The following FOS variants were observed in gnomAD, a reference collection of about 807,000 sequenced individuals.
The protein encoded by FOS is Fos proto-oncogene, AP-1 transcription factor subunit.
Under a neutral mutation model 27.2 loss-of-function variants are expected in FOS, and 9 were observed. The observed-to-expected ratio is 0.33, with a 90% CI of 0.20 to 0.58. The LOEUF (loss-of-function observed/expected upper bound fraction) is 0.58, where lower values mean the gene tolerates loss of function less well. FOS is among the 20% of genes least tolerant of loss of function. The pLI is 0.87. For synonymous variants in FOS, 213 were observed against 205.1 expected (o/e 1.04, Z -0.33); for missense variants, 405 against 483.5 (o/e 0.84, Z 1.52).
chr14:75,281,840 C>T lies in FOS; in HGVS notation c.*416C>T, dbSNP rs45628236. 1.3e-3 allele frequency: 261 copies of T among 207,076 alleles called. No homozygotes were observed. The highest frequency in any genetic ancestry group is 2.0e-3 in the Middle Eastern group (1 of 504). 12.8% of individuals were successfully genotyped at this position (207,076 alleles called of 1,614,324 possible). Reference sequence around the variant, plus strand: ...CTAGTGCAGCTGATTTTAACAATAACTACTGTGTTCCTGGCAATAGTGTGT... The same window carrying T: ...CTAGTGCAGCTGATTTTAACAATAATTACTGTGTTCCTGGCAATAGTGTGT... On this transcript the variant is annotated 3_prime_UTR_variant, in exon 4 of 4. Transcript: ENST00000303562. The surrounding 1 kb of genome is among the most constrained non-coding windows in gnomAD (Gnocchi z 4.7).
Position 75,278,917 on chromosome 14 carries a change from T to G in FOS, c.-66T>G. 1 of 1,596,474 alleles carries G rather than the reference T, an allele frequency of 6.3e-7. No individual in the cohort carries two copies. Among genetic ancestry groups the G allele is most frequent in the Non-Finnish European group, 8.5e-7 (1 of 1,171,408 alleles). On this transcript the variant is annotated 5_prime_UTR_variant, in exon 1 of 4. Transcript: ENST00000303562. This position sits in a 1 kb window ranked among gnomAD's most constrained non-coding sequence, Gnocchi z 4.1. ...AGCAGTGACCGTGCTCCTACCCAGC[T>G]CTGCTCCACAGCGCCCACCTGTCTC...
In FOS at chr14:75,279,024, C is replaced by T. The variant is rs1353278087; in HGVS notation, c.42C>T (p.Ser14=). Residue 14 remains serine, a synonymous_variant, in exon 1 of 4, where the codon TCC becomes TCT. Coordinates refer to ENST00000303562, the MANE Select transcript of FOS (RefSeq NM_005252.4). The surrounding 1 kb of genome is among the most constrained non-coding windows in gnomAD (Gnocchi z 5.4). Reference sequence around the variant, plus strand: ...TCAACGCAGACTACGAGGCGTCATCCTCCCGCTGCAGCAGCGCGTCCCCGG... The same window carrying T: ...TCAACGCAGACTACGAGGCGTCATCTTCCCGCTGCAGCAGCGCGTCCCCGG... The part of the protein sequence containing the change: ...SGFNADYEAS[S]SRCSSASPAG... 1 of 1,613,724 alleles carries T rather than the reference C, an allele frequency of 6.2e-7. No homozygotes were observed.
In FOS at chr14:75,279,133, G is replaced by A. The variant is rs1180068718; in HGVS notation, c.141+10G>A. 6.2e-7 allele frequency: 1 copy of A among 1,612,166 alleles called. No individual in the cohort carries two copies. Among genetic ancestry groups the A allele is most frequent in the East Asian group, 2.2e-5 (1 of 44,848 alleles). On this transcript the variant is annotated intron_variant, in intron 1 of 3. Transcript: ENST00000303562. This position sits in a 1 kb window ranked among gnomAD's most constrained non-coding sequence, Gnocchi z 5.4. Reference sequence around the variant, plus strand: ...GCCTGTCAACGCGCAGGTAAGGCTGGCTTCCCGTCGCCGCGGGGCCGGGGG... The same window carrying A: ...GCCTGTCAACGCGCAGGTAAGGCTGACTTCCCGTCGCCGCGGGGCCGGGGG...
chr14:75,279,683 G>A lies in FOS; in HGVS notation c.142-194G>A. The A allele has an allele frequency of 1.6e-6, 1 of 631,326 alleles. No homozygotes were observed. The highest frequency in any genetic ancestry group is 2.8e-6 in the Non-Finnish European group (1 of 362,378). The allele number at this position is 631,326 out of a possible 1,614,324, so 39.1% of individuals were successfully genotyped here. A position where few individuals can be genotyped will look rare whatever the true frequency, so the allele number is the denominator to read the frequency against. Reference sequence around the variant, plus strand: ...ACGGGAACGCAGCGGCAGGATGGAAGAGACAGGCACTGCGCTGCGGAATGC... The same window carrying A: ...ACGGGAACGCAGCGGCAGGATGGAAAAGACAGGCACTGCGCTGCGGAATGC... On this transcript the variant is annotated intron_variant, in intron 1 of 3. Transcript: ENST00000303562. The surrounding 1 kb of genome is among the most constrained non-coding windows in gnomAD (Gnocchi z 5.4).
At position 75,281,406 on chromosome 14, in the gene FOS, C is replaced by T. The variant is rs752714781; in HGVS notation, c.1125C>T (p.Pro375=). The part of the protein sequence containing the change: ...NEPSSDSLSS[P]TLLAL ...CTTCCTCTGACTCGCTCAGCTCACC[C>T]ACGCTGCTGGCCCTGTGAGGGGGCA... The change falls in exon 4 of 4, where the codon CCC becomes CCT. Residue 375 remains proline (P), a synonymous_variant. Coordinates refer to ENST00000303562, the MANE Select transcript of FOS (RefSeq NM_005252.4). The surrounding 1 kb of genome is among the most constrained non-coding windows in gnomAD (Gnocchi z 4.7). The T allele has an allele frequency of 5.6e-6, 9 of 1,611,162 alleles. No homozygotes were observed. In the African/African-American group the frequency reaches 8.0e-5, roughly 14 times the overall value.
At position 75,280,638 on chromosome 14, in the gene FOS, A is replaced by C. The variant is rs1431502125; in HGVS notation, c.472A>C (p.Arg158=). 2 of 1,614,152 alleles carry C rather than the reference A, an allele frequency of 1.2e-6. No homozygotes were observed. Residue 158 remains arginine, a synonymous_variant, in exon 3 of 4, where the codon AGG becomes CGG. Transcript: ENST00000303562. ...GGCTGCAGCCAAATGCCGCAACCGGAGGAGGGAGCTGACTGATACACTCCA... is the reference window on the plus strand; with the variant it reads ...GGCTGCAGCCAAATGCCGCAACCGGCGGAGGGAGCTGACTGATACACTCCA... ...KMAAAKCRNR[R]RELTDTLQAE...
In FOS at chr14:75,281,103, C is replaced by G. The variant is rs768358812; in HGVS notation, c.822C>G (p.Phe274Leu). 6.2e-7 allele frequency: 1 copy of G among 1,609,708 alleles called. No individual in the cohort carries two copies. Among genetic ancestry groups the G allele is most frequent in the Non-Finnish European group, 8.5e-7 (1 of 1,180,002 alleles). Residue 274 changes from phenylalanine (F) to leucine (L), a missense_variant, in exon 4 of 4, where the codon TTC becomes TTG. Phe to Leu is a conservative substitution (Grantham distance 22, BLOSUM62 0). Transcript: ENST00000303562. The surrounding 1 kb of genome is among the most constrained non-coding windows in gnomAD (Gnocchi z 4.7). ...CCGAGCCCTTTGATGACTTCCTGTT[C>G]CCAGCATCATCCAGGCCCAGTGGCT... ...LKTEPFDDFLFPASSRPSGSE... is the reference protein window; with the variant it reads ...LKTEPFDDFLLPASSRPSGSE...
At position 75,279,443 on chromosome 14, in the gene FOS, G is replaced by A. The variant is rs1897200761; in HGVS notation, c.141+320G>A. On this transcript the variant is annotated intron_variant, in intron 1 of 3. Transcript: ENST00000303562. This position sits in a 1 kb window ranked among gnomAD's most constrained non-coding sequence, Gnocchi z 5.4. ...TCGCTAACTAGAGCCTGGCTTCTCC[G>A]GGGAGGTGGCAGAAAGCGGCAATCC... The A allele has an allele frequency of 2.2e-6, 1 of 456,038 alleles. No individual in the cohort carries two copies. Among genetic ancestry groups the A allele is most frequent in the South Asian group, 2.5e-5 (1 of 39,942 alleles). 28.2% of individuals were successfully genotyped at this position (456,038 alleles called of 1,614,324 possible).
Position 75,281,336 on chromosome 14 carries a change from C to G in FOS, c.1055C>G (p.Pro352Arg). The stretch of plus-strand genomic sequence containing the variant: ...ACCTACCCCGAGGCTGACTCCTTCC[C>G]CAGCTGTGCAGCTGCCCACCGCAAG... ...VFTYPEADSF[P>R]SCAAAHRKGS... Residue 352 changes from proline to arginine, a missense_variant, in exon 4 of 4, where the codon CCC becomes CGC. Coordinates refer to ENST00000303562, the MANE Select transcript of FOS (RefSeq NM_005252.4). The surrounding 1 kb of genome is among the most constrained non-coding windows in gnomAD (Gnocchi z 4.7). 6.2e-7 allele frequency: 1 copy of G among 1,610,166 alleles called. No homozygotes were observed. Among genetic ancestry groups the G allele is most frequent in the Non-Finnish European group, 8.5e-7 (1 of 1,179,996 alleles).
At position 75,282,221 on chromosome 14, in the gene FOS, T is replaced by A. The variant is rs919362214; in HGVS notation, c.*797T>A. The A allele has an allele frequency of 2.0e-5, 3 of 152,240 alleles. No individual in the cohort carries two copies. The highest frequency in any genetic ancestry group is 6.5e-5 in the Admixed American group (1 of 15,280). The allele number at this position is 152,240 out of a possible 1,614,324, so 9.4% of individuals were successfully genotyped here. A position where few individuals can be genotyped will look rare whatever the true frequency, so the allele number is the denominator to read the frequency against. On this transcript the variant is annotated 3_prime_UTR_variant, in exon 4 of 4. Coordinates refer to ENST00000303562, the MANE Select transcript of FOS (RefSeq NM_005252.4). ...GACATTGTCAATAAAAGCATTTAAG[T>A]TGAATGCGACCAACCTTGTGCTCTT...
Position 75,279,768 on chromosome 14 carries a change from C to G in FOS, c.142-109C>G. 2 of 1,269,660 alleles carry G rather than the reference C, an allele frequency of 1.6e-6. No individual in the cohort carries two copies. Among genetic ancestry groups the G allele is most frequent in the Non-Finnish European group, 2.2e-6 (2 of 912,070 alleles). The allele number at this position is 1,269,660 out of a possible 1,614,324, so 78.6% of individuals were successfully genotyped here. A position where few individuals can be genotyped will look rare whatever the true frequency, so the allele number is the denominator to read the frequency against. ...TGAGGGACATTTAAGATGAAATGTC[C>G]GTGGCAGGATCGTTTCTCTTCACTG... On this transcript the variant is annotated intron_variant, in intron 1 of 3. Coordinates refer to ENST00000303562, the MANE Select transcript of FOS (RefSeq NM_005252.4). This position sits in a 1 kb window ranked among gnomAD's most constrained non-coding sequence, Gnocchi z 5.4.
rs2139936568 is a variant in FOS, at chr14:75,279,948, G to A, written c.213G>A (p.Pro71=). The A allele has an allele frequency of 1.9e-6, 3 of 1,614,120 alleles. No individual in the cohort carries two copies. The East Asian group carries it at 6.7e-5, about 36-fold the overall frequency. ...IPTVTAISTS[P]DLQWLVQPAL... is the part of the protein sequence containing the mutation. The stretch of plus-strand genomic sequence containing the variant: ...CGGTCACTGCCATCTCGACCAGTCC[G>A]GACCTGCAGTGGCTGGTGCAGCCCG... The change falls in exon 2 of 4, where the codon CCG becomes CCA. Residue 71 remains proline, a synonymous_variant. Coordinates refer to ENST00000303562, the MANE Select transcript of FOS (RefSeq NM_005252.4). The surrounding 1 kb of genome is among the most constrained non-coding windows in gnomAD (Gnocchi z 5.4).
intron 2 of FOS, 76 bp downstream of exon 2, chr14:75,280,204 G>A (rs780176145): frequency 2.5e-6 from 4 of 1,598,966 alleles, no homozygotes; most frequent in Middle Eastern, 1.7e-4. Context: ...CAGGAGCCCA[G>A]TACAGAGGAT....
chr14:75,279,209 T>C lies in FOS; in HGVS notation c.141+86T>C. On this transcript the variant is annotated intron_variant, in intron 1 of 3. Coordinates refer to ENST00000303562, the MANE Select transcript of FOS (RefSeq NM_005252.4). This position sits in a 1 kb window ranked among gnomAD's most constrained non-coding sequence, Gnocchi z 5.4. ...CGGGCGGGACGCTCCAGTAGATGAG[T>C]AGGGGGCTCCCTTGTGCCTGGAGGG... 3 of 1,557,724 alleles carry C rather than the reference T, an allele frequency of 1.9e-6. No homozygotes were observed. In the Admixed American group the frequency reaches 5.3e-5, roughly 27 times the overall value.
In FOS at chr14:75,280,898, T is replaced by G. The variant is rs772824974; in HGVS notation, c.617T>G (p.Ile206Ser). 4.3e-6 allele frequency: 7 copies of G among 1,614,004 alleles called. No individual in the cohort carries two copies. The African/African-American group carries it at 6.7e-5, about 15-fold the overall frequency. The change falls in exon 4 of 4, where the codon ATC becomes AGC. Residue 206 changes from isoleucine (I) to serine (S), a missense_variant. Transcript: ENST00000303562. ...GCAGCTCACCGACCTGCCTGCAAGA[T>G]CCCTGATGACCTGGGCTTCCCAGAA... ...ILAAHRPACK[I>S]PDDLGFPEEM...
At position 75,280,065 on chromosome 14, in the gene FOS, C is replaced by G; in HGVS notation, c.330C>G (p.Gly110=). The G allele has an allele frequency of 6.2e-7, 1 of 1,614,092 alleles. No homozygotes were observed. Among genetic ancestry groups the G allele is most frequent in the Admixed American group, 1.7e-5 (1 of 60,028 alleles). Reference sequence around the variant, plus strand: ...CCGCTGGGGCTTACTCCAGGGCTGGCGTTGTGAAGACCATGACAGGAGGCC... The same window carrying G: ...CCGCTGGGGCTTACTCCAGGGCTGGGGTTGTGAAGACCATGACAGGAGGCC... ...APSAGAYSRA[G]VVKTMTGGRA... is the part of the protein sequence containing the mutation. Residue 110 remains glycine, a synonymous_variant, in exon 2 of 4, where the codon GGC becomes GGG. Coordinates refer to ENST00000303562, the MANE Select transcript of FOS (RefSeq NM_005252.4).
rs1409657634 is a variant in FOS, at chr14:75,279,382, G to A, written c.141+259G>A. ...GGTCTGCACTCCAGGACGGATCTCT[G>A]ACATTAGCTGGAGCAGACGTGTCCC... is the stretch of plus-strand genomic sequence containing the variant. On this transcript the variant is annotated intron_variant, in intron 1 of 3. Transcript: ENST00000303562. The surrounding 1 kb of genome is among the most constrained non-coding windows in gnomAD (Gnocchi z 5.4). The A allele has an allele frequency of 1.8e-6, 1 of 541,440 alleles. No individual in the cohort carries two copies. Among genetic ancestry groups the A allele is most frequent in the Non-Finnish European group, 3.3e-6 (1 of 306,978 alleles). 33.5% of individuals were successfully genotyped at this position (541,440 alleles called of 1,614,324 possible).
chr14:75,280,414 A>G (rs929017644), intron 2 of FOS, 146 bp from the exon 3 acceptor site: 4 of 708,328 alleles, frequency 5.6e-6, no homozygotes, highest in Admixed American at 5.5e-5. Flanking sequence ...AGTCACACCT[A>G]GTCTGCAACT....
At position 75,280,978 on chromosome 14, in the gene FOS, C is replaced by G. The variant is rs143816008; in HGVS notation, c.697C>G (p.Pro233Ala). Residue 233 changes from proline (P) to alanine (A), a missense_variant, in exon 4 of 4, where the codon CCG becomes GCG. Pro to Ala is a conservative substitution (Grantham distance 27). Transcript: ENST00000303562. Reference sequence around the variant, plus strand: ...TGGGGGCCTGCCAGAGGTTGCCACCCCGGAGTCTGAGGAGGCCTTCACCCT... The same window carrying G: ...TGGGGGCCTGCCAGAGGTTGCCACCGCGGAGTCTGAGGAGGCCTTCACCCT... ...LTGGLPEVATPESEEAFTLPL... is the reference protein window; with the variant it reads ...LTGGLPEVATAESEEAFTLPL... The G allele has an allele frequency of 1.8e-4, 286 of 1,614,154 alleles. No individual in the cohort carries two copies. In the African/African-American group the frequency reaches 3.3e-3, roughly 19 times the overall value.
Sources: gnomAD v4.1 joint callset for allele counts on GRCh38, gnomAD v4.1.1 for gene constraint, Gnocchi (gnomAD v3.1) non-coding constraint, MANE v1.5 for transcripts, NCBI Gene and HGNC (gene_info 2026-07-23, HGNC 2026-07-21) for gene names.